NANS: variants seen among roughly 807,000 people sequenced by gnomAD.
The protein encoded by NANS is N-acetylneuraminate-9-phosphate synthase.
A neutral mutation model predicts 33.3 loss-of-function variants in NANS; 29 were observed. The ratio of observed to expected loss-of-function variants is 0.87; its 90% CI spans 0.65 to 1.19. The LOEUF (loss-of-function observed/expected upper bound fraction) is 1.19, where lower values mean the gene tolerates loss of function less well. NANS is among the 50% of genes most tolerant of loss of function. NANS has a pLI of 0.00. For missense variants in NANS, 394 were observed against 461.1 expected (o/e 0.85, Z 1.33); for synonymous variants, 163 against 177.2 (o/e 0.92, Z 0.64).
At chr9:98,067,458 C>T (rs1043025298) in intron 2 of NANS, among the ~76,000 whole-genome samples, 13 of 152,286 alleles carry the variant, frequency 8.5e-5, no homozygotes, top group Middle Eastern at 6.8e-3. Flanking sequence ...CATGGTGTCT[C>T]ATTGTGGTTG....
intron 2 of NANS, chr9:98,075,415 GGAGA>G (rs904319608): frequency 8.0e-5 from 12 of 150,416 alleles, no homozygotes; most frequent in African/African-American, 2.9e-4. Flanking sequence ...GGAAGGAAAG[GGAGA>G]GAGGGAGGGA....
At chr9:98,081,395 GGAGT>G in intron 5 of NANS, 1 of 310,528 alleles carries the variant, frequency 3.2e-6, no homozygotes, top group Non-Finnish European at 6.0e-6. Flanking sequence ...ATATGTAACA[GGAGT>G]GAGGCCCTGG....
Position 98,056,906 on chromosome 9 carries a change from T to G in NANS, c.98T>G (p.Leu33Arg), listed in dbSNP as rs1017453701. 6 of 1,610,360 alleles carry G rather than the reference T, an allele frequency of 3.7e-6. No homozygotes were observed. The highest frequency in any genetic ancestry group is 5.1e-6 in the Non-Finnish European group (6 of 1,178,568). The change falls in exon 1 of 6, where the codon CTG becomes CGG. Residue 33 changes from leucine to arginine, a missense_variant. Physicochemically the swap from Leu to Arg is moderately radical, Grantham distance 102. Coordinates refer to ENST00000210444, the MANE Select transcript of NANS (RefSeq NM_018946.4). ...AEIGQNHQGD[L>R]DVAKRMIRMA... ...ATCGGCCAGAACCACCAGGGCGACC[T>G]GGACGTAGCCAAGCGCATGATCCGC...
intron 2 of NANS, among the ~76,000 whole-genome samples, chr9:98,065,168 C>T (rs1264377467): frequency 4.6e-5 from 7 of 152,068 alleles, no homozygotes; most frequent in Non-Finnish European, 4.4e-5. Flanking sequence ...TCCTTCTGGG[C>T]GTACTCACAG....
At chr9:98,059,094 G>A (rs1828902595) in intron 1 of NANS, among the ~76,000 whole-genome samples, 1 of 152,002 alleles carries the variant, frequency 6.6e-6, no homozygotes, top group Admixed American at 6.6e-5. Context: ...CGTGATCTCG[G>A]CTTACTGCAA....
At chr9:98,061,542 G>A (rs1458547635) in intron 2 of NANS, among the ~76,000 whole-genome samples, 2 of 150,844 alleles carry the variant, frequency 1.3e-5, no homozygotes, top group Non-Finnish European at 2.9e-5. Flanking sequence ...AGCACTTTGG[G>A]AGGCTGAGAC....
chr9:98,076,817 TA>T, intron 2 of NANS, 100 bp from the exon 3 acceptor site: 1 of 911,016 alleles, frequency 1.1e-6, no homozygotes, highest in Non-Finnish European at 1.7e-6. Context: ...CTCTACTGCC[TA>T]AGATGAGGGG....
Position 98,066,216 on chromosome 9 carries a change from A to C in NANS, c.348+5219A>C, listed in dbSNP as rs1031850053. Among the ~76,000 whole-genome samples the C allele has an allele frequency of 2.0e-5, 3 of 152,220 alleles. No homozygotes were observed. In the East Asian group the frequency reaches 5.8e-4, roughly 29 times the overall value. On this transcript the variant is annotated intron_variant, in intron 2 of 5. Coordinates refer to ENST00000210444, the MANE Select transcript of NANS (RefSeq NM_018946.4). ...ATAATAACCAATCAGAGTAATGAGAAGTATATGAAGGCGGTTTCCAAAGTG... is the reference window on the plus strand; with the variant it reads ...ATAATAACCAATCAGAGTAATGAGACGTATATGAAGGCGGTTTCCAAAGTG...
intron 2 of NANS, among the ~76,000 whole-genome samples, chr9:98,068,488 A>G (rs753844269): frequency 1.3e-5 from 2 of 151,370 alleles, no homozygotes; most frequent in South Asian, 2.1e-4. Flanking sequence ...CCACAATGTG[A>G]TATCACTGCA....
rs1414805619 is a variant in NANS, at chr9:98,080,932, T to C, written c.720T>C (p.Thr240=). 6.2e-7 allele frequency: 1 copy of C among 1,614,076 alleles called. No individual in the cohort carries two copies. The highest frequency in any genetic ancestry group is 8.5e-7 in the Non-Finnish European group (1 of 1,180,046). ...LGAKVLERHI[T]LDKTWKGSDH... Reference sequence around the variant, plus strand: ...CCAAGGTGTTGGAACGTCACATAACTTTGGACAAGACCTGGAAGGGGAGTG... The same window carrying C: ...CCAAGGTGTTGGAACGTCACATAACCTTGGACAAGACCTGGAAGGGGAGTG... Residue 240 remains threonine, a synonymous_variant, in exon 5 of 6, where the codon ACT becomes ACC. Transcript: ENST00000210444.
intron 2 of NANS, among the ~76,000 whole-genome samples, chr9:98,064,699 T>TGTTC (rs1829084082): frequency 6.6e-6 from 1 of 152,166 alleles, no homozygotes; most frequent in African/African-American, 2.4e-5. Context: ...ATCACACAGT[T>TGTTC]AGGAAATGGG....
intron 1 of NANS, among the ~76,000 whole-genome samples, chr9:98,060,136 T>C (rs1266233547): frequency 2.6e-5 from 4 of 152,242 alleles, no homozygotes; most frequent in Admixed American, 6.5e-5. Flanking sequence ...TGACTATTCT[T>C]TGCTCAGTTA....
intron 2 of NANS, among the ~76,000 whole-genome samples, chr9:98,067,227 A>G (rs1251787091): frequency 6.6e-6 from 1 of 152,088 alleles, no homozygotes; most frequent in Non-Finnish European, 1.5e-5. Flanking sequence ...TTTTATGTAC[A>G]GGTTTTATAT....
chr9:98,065,334 C>G (rs936804125), intron 2 of NANS, among the ~76,000 whole-genome samples: 2 of 60,068 alleles, frequency 3.3e-5, no homozygotes, highest in African/African-American at 1.8e-4. Flanking sequence ...TTTTTTGAAA[C>G]AGAGTTTCGT....
At chr9:98,078,629 A>T (rs1829702114) in intron 4 of NANS, among the ~76,000 whole-genome samples, 1 of 151,932 alleles carries the variant, frequency 6.6e-6, no homozygotes, top group Admixed American at 6.6e-5. Context: ...TGAGGTCAGG[A>T]GTTCGAGACT....
chr9:98,080,777 C>CA, intron 4 of NANS, 39 bp from the exon 5 acceptor site: 1 of 1,539,896 alleles, frequency 6.5e-7, no homozygotes, highest in Non-Finnish European at 8.8e-7. Flanking sequence ...CATAAAGCAG[C>CA]ATGATATTTA....
chr9:98,073,590 C>CTTT (rs34969073), intron 2 of NANS, among the ~76,000 whole-genome samples: 5 of 141,672 alleles, frequency 3.5e-5, no homozygotes, highest in African/African-American at 1.3e-4. Context: ...GCCTGGGCTT[C>CTTT]TTTTTTTTTT....
chr9:98,080,074 C>T (rs1430846649), intron 4 of NANS, among the ~76,000 whole-genome samples: 1 of 152,156 alleles, frequency 6.6e-6, no homozygotes, highest in Non-Finnish European at 1.5e-5. Context: ...ATTAGCTGGG[C>T]GTGGTGGCGG....
intron 5 of NANS, among the ~76,000 whole-genome samples, chr9:98,082,568 C>T (rs1829921222): frequency 6.6e-6 from 1 of 152,186 alleles, no homozygotes. Flanking sequence ...TGGCCTATAC[C>T]CCACAGACTG....
Sources: allele counts gnomAD v4.1 joint callset (sites outside exome capture counted in the v4.1 genomes callset), GRCh38; gene constraint gnomAD v4.1.1; transcripts MANE v1.5; gene names NCBI Gene and HGNC (gene_info 2026-07-23, HGNC 2026-07-21).